MZT1: variants seen among roughly 807,000 people sequenced by gnomAD.
MZT1 encodes mitotic-spindle organizing protein 1.
MZT1 carries 8 observed loss-of-function variants against 8.5 expected under a neutral mutation model. The ratio of observed to expected loss-of-function variants is 0.94; its 90% CI spans 0.55 to 1.70. MZT1 has a LOEUF of 1.70. Among genes scored for constraint, MZT1 ranks in the 40% most tolerant of loss-of-function variants. MZT1 has a pLI of 0.00. For synonymous variants in MZT1, 38 were observed against 42.0 expected (o/e 0.90, Z 0.37); for missense variants, 93 against 108.6 (o/e 0.86, Z 0.64).
At chr13:72,716,592 ATTTG>A (rs1156929008) in intron 2 of MZT1, among the ~76,000 whole-genome samples, 2 of 152,228 alleles carry the variant, frequency 1.3e-5, no homozygotes, top group Admixed American at 1.3e-4. Flanking sequence ...AGAAGGTTTT[ATTTG>A]TTTGTTTGTT....
At chr13:72,717,292 T>C (rs1400042888) in intron 2 of MZT1, among the ~76,000 whole-genome samples, 3 of 152,126 alleles carry the variant, frequency 2.0e-5, no homozygotes, top group Non-Finnish European at 4.4e-5. Context: ...ATATTCTATT[T>C]TCCTTCCAAC....
intron 2 of MZT1, among the ~76,000 whole-genome samples, chr13:72,715,204 T>G (rs1488888468): frequency 1.3e-5 from 2 of 152,184 alleles, no homozygotes; most frequent in African/African-American, 4.8e-5. Context: ...TTTTGGAGCT[T>G]TAAGATTTAA....
chr13:72,723,049 T>C (rs935814276), intron 1 of MZT1, among the ~76,000 whole-genome samples: 3 of 152,288 alleles, frequency 2.0e-5, no homozygotes, highest in Non-Finnish European at 4.4e-5. Flanking sequence ...CTTGATGAAT[T>C]CTATGATGCT....
intron 2 of MZT1, among the ~76,000 whole-genome samples, chr13:72,710,784 C>A (rs2032481850): frequency 6.6e-6 from 1 of 152,080 alleles, no homozygotes; most frequent in Non-Finnish European, 1.5e-5. Flanking sequence ...CCTGTCTCAT[C>A]TACATCCCTA....
chr13:72,710,528 T>C (rs2032478599), intron 2 of MZT1, among the ~76,000 whole-genome samples, 183 bp from the exon 3 acceptor site: 1 of 152,158 alleles, frequency 6.6e-6, no homozygotes, highest in South Asian at 2.1e-4. Flanking sequence ...CTTTTGAATG[T>C]ACAGTTAACA....
chr13:72,722,299 G>C (rs955126346), intron 1 of MZT1, among the ~76,000 whole-genome samples: 1 of 152,148 alleles, frequency 6.6e-6, no homozygotes, highest in Non-Finnish European at 1.5e-5. Flanking sequence ...CTGTTTTAAA[G>C]GATTAGTGTG....
chr13:72,721,864 T>C (rs572798995), intron 1 of MZT1, among the ~76,000 whole-genome samples: 52 of 152,346 alleles, frequency 3.4e-4, no homozygotes, highest in Admixed American at 2.6e-3. Context: ...GCTCTTCCCA[T>C]TTTCATTTCT....
In MZT1 at chr13:72,721,988, T is replaced by A. The variant is rs144058434; in HGVS notation, c.80-2891A>T. ...TTATTTCAGTAGCTTTCAAGATTTC[T>A]AATTTCTAATTTCTCACCATAAACA... On this transcript the variant is annotated intron_variant, in intron 1 of 2. Coordinates refer to ENST00000377818, the MANE Select transcript of MZT1 (RefSeq NM_001071775.3). 1.3e-4 allele frequency among the ~76,000 whole-genome samples: 20 copies of A among 152,372 alleles called. No homozygotes were observed. The East Asian group carries it at 3.9e-3, about 29-fold the overall frequency.
intron 1 of MZT1, among the ~76,000 whole-genome samples, chr13:72,719,832 C>T (rs988115851): frequency 9.9e-5 from 15 of 152,152 alleles, no homozygotes; most frequent in African/African-American, 3.1e-4. Flanking sequence ...GAAGCACAAA[C>T]AGAGAAACTT....
At chr13:72,720,198 C>T (rs1480641126) in intron 1 of MZT1, among the ~76,000 whole-genome samples, 1 of 152,136 alleles carries the variant, frequency 6.6e-6, no homozygotes, top group African/African-American at 2.4e-5. Flanking sequence ...TAAGTTTTCC[C>T]CACCCAGTTG....
At chr13:72,720,553 C>T (rs2032582171) in intron 1 of MZT1, among the ~76,000 whole-genome samples, 1 of 152,064 alleles carries the variant, frequency 6.6e-6, no homozygotes, top group African/African-American at 2.4e-5. Context: ...GAGATAGGTC[C>T]CTCCCATTTC....
chr13:72,726,356 G>A (rs1242599643), intron 1 of MZT1, among the ~76,000 whole-genome samples: 11 of 152,098 alleles, frequency 7.2e-5, no homozygotes, highest in African/African-American at 1.2e-4. Flanking sequence ...GCCTGAACCC[G>A]GGAGGCGGAG....
chr13:72,718,520 G>T (rs9573017), intron 2 of MZT1, among the ~76,000 whole-genome samples: 56,658 of 151,140 alleles, frequency 0.37, 10,977 homozygotes, highest in East Asian at 0.5. Context: ...CTGTCACCCA[G>T]TCTGGAGTGC....
chr13:72,710,092 A>T lies in MZT1; in HGVS notation c.*230T>A. On this transcript the variant is annotated 3_prime_UTR_variant, in exon 3 of 3. Transcript: ENST00000377818. ...AATATGAACATAGCAATGCCAAAGC[A>T]TTAGAGCTGTTAAAAAAAGTGAATA... 1 of 541,900 alleles carries T rather than the reference A, an allele frequency of 1.8e-6. No homozygotes were observed. The highest frequency in any genetic ancestry group is 3.3e-6 in the Non-Finnish European group (1 of 303,816). 33.6% of individuals were successfully genotyped at this position (541,900 alleles called of 1,614,324 possible).
At chr13:72,724,709 TATATATATAC>T (rs1280985734) in intron 1 of MZT1, among the ~76,000 whole-genome samples, 1 of 23,050 alleles carries the variant, frequency 4.3e-5, no homozygotes, top group African/African-American at 5.8e-5. Context: ...TAAATATATA[TATATATATAC>T]ATATATATAT....
intron 2 of MZT1, 59 bp from the exon 3 acceptor site, chr13:72,710,404 G>A: frequency 6.4e-7 from 1 of 1,551,294 alleles, no homozygotes; most frequent in Non-Finnish European, 8.9e-7. Flanking sequence ...GCATCATGAA[G>A]ATAAATTTGT....
intron 1 of MZT1, among the ~76,000 whole-genome samples, chr13:72,724,752 A>ATGTGTGTGTGTGTGTG (rs1555270950): frequency 1.6e-4 from 9 of 56,854 alleles, no homozygotes; most frequent in African/African-American, 4.0e-4. Flanking sequence ...ACATATATAT[A>ATGTGTGTGTGTGTGTG]TGTAAAGTGG....
intron 2 of MZT1, among the ~76,000 whole-genome samples, chr13:72,718,019 G>A (rs1237182352): frequency 6.6e-6 from 1 of 152,024 alleles, no homozygotes; most frequent in Non-Finnish European, 1.5e-5. Flanking sequence ...CAGATTTCTG[G>A]GACTGCCATA....
In MZT1 at chr13:72,727,622, G is replaced by A. The variant is rs756248478; in HGVS notation, c.-20C>T. ...CGCCATGGCTAAGGCCGAGGGAGGC[G>A]GGAGAAGGGCCTGACCCGGAACTGG... On this transcript the variant is annotated 5_prime_UTR_variant, in exon 1 of 3. Transcript: ENST00000377818. The A allele has an allele frequency of 1.3e-6, 2 of 1,573,116 alleles. No individual in the cohort carries two copies. The highest frequency in any genetic ancestry group is 1.7e-6 in the Non-Finnish European group (2 of 1,158,848).
Sources: gnomAD v4.1 joint callset for allele counts (sites outside exome capture counted in the v4.1 genomes callset) on GRCh38, gnomAD v4.1.1 for gene constraint, MANE v1.5 for transcripts, NCBI Gene and HGNC (gene_info 2026-07-23, HGNC 2026-07-21) for gene names.